The following TCERG1L variants were observed in gnomAD, a reference collection of about 807,000 sequenced individuals.
The protein encoded by TCERG1L is transcription elongation regulator 1 like.
In TCERG1L, 37 loss-of-function variants were observed where a neutral mutation model predicts 56.3. That is an observed-to-expected ratio of 0.66 (90% CI 0.51 to 0.87). TCERG1L has a LOEUF of 0.87. Among genes scored for constraint, TCERG1L ranks in the 40% least tolerant of loss-of-function variants. The pLI is 0.00. For synonymous variants in TCERG1L, 324 were observed against 326.3 expected, an observed-to-expected ratio of 0.99 and a Z score of 0.08; for missense variants, 799 against 774.2, an observed-to-expected ratio of 1.03 and a Z score of -0.38.
At chr10:131,101,500 TTGG>T (rs1259754122) in intron 10 of TCERG1L, among the ~76,000 whole-genome samples, 4 of 152,274 alleles carry the variant, frequency 2.6e-5, no homozygotes, top group African/African-American at 4.8e-5. Context: ...AGCAAACAAG[TTGG>T]TGGTGGCACA....
intron 6 of TCERG1L, among the ~76,000 whole-genome samples, chr10:131,150,048 G>A (rs146662433): frequency 5.6e-4 from 86 of 152,310 alleles, no homozygotes; most frequent in Admixed American, 1.2e-3. Flanking sequence ...TGGTCTGAGT[G>A]GCAAATCCTA....
At chr10:131,306,600 C>T (rs1470632183) in intron 3 of TCERG1L, among the ~76,000 whole-genome samples, 1 of 152,044 alleles carries the variant, frequency 6.6e-6, no homozygotes, top group Non-Finnish European at 1.5e-5. Flanking sequence ...CATTGCATGC[C>T]TGTGTCAAAA....
At chr10:131,201,674 C>T (rs1845437134) in intron 4 of TCERG1L, among the ~76,000 whole-genome samples, 1 of 152,222 alleles carries the variant, frequency 6.6e-6, no homozygotes, top group Non-Finnish European at 1.5e-5. Context: ...ATTTGCTCTG[C>T]TGCTGCTGTT....
chr10:131,307,057 T>C (rs1161195937), intron 3 of TCERG1L, among the ~76,000 whole-genome samples: 2 of 152,208 alleles, frequency 1.3e-5, no homozygotes, highest in Non-Finnish European at 2.9e-5. Flanking sequence ...CCTTTTCATA[T>C]ACCAAAAGAA....
At chr10:131,133,324 T>C (rs892990747) in intron 8 of TCERG1L, among the ~76,000 whole-genome samples, 3 of 152,216 alleles carry the variant, frequency 2.0e-5, no homozygotes, top group African/African-American at 4.8e-5. Flanking sequence ...ATACTTTTTA[T>C]TGCAAAAGTA....
intron 10 of TCERG1L, among the ~76,000 whole-genome samples, chr10:131,098,970 C>G (rs1845277457): frequency 6.6e-6 from 1 of 152,162 alleles, no homozygotes; most frequent in Admixed American, 6.5e-5. Flanking sequence ...TCTCTGATCC[C>G]CACTTGTGAA....
At chr10:131,276,113 A>G (rs959012111) in intron 3 of TCERG1L, among the ~76,000 whole-genome samples, 1 of 152,126 alleles carries the variant, frequency 6.6e-6, no homozygotes, top group African/African-American at 2.4e-5. Flanking sequence ...CTCCTGAAAG[A>G]TCTATTCAAT....
Position 131,309,146 on chromosome 10 carries a change from T to G in TCERG1L, c.489+7A>C. Reference sequence around the variant, plus strand: ...CCCTTATCCAATTAAATCACTTGCGTTTTTACCTTACAGTTAGGAATCCTT... The same window carrying G: ...CCCTTATCCAATTAAATCACTTGCGGTTTTACCTTACAGTTAGGAATCCTT... On this transcript the variant is annotated splice_region_variant and intron_variant, in intron 2 of 11. Transcript: ENST00000368642. 6.2e-7 allele frequency: 1 copy of G among 1,607,734 alleles called. No homozygotes were observed. Among genetic ancestry groups the G allele is most frequent in the Non-Finnish European group, 8.5e-7 (1 of 1,177,910 alleles).
chr10:131,184,681 T>G lies in TCERG1L; in HGVS notation c.857-17796A>C, dbSNP rs142443702. On this transcript the variant is annotated intron_variant, in intron 4 of 11. Transcript: ENST00000368642. Reference sequence around the variant, plus strand: ...CTCCTGCTACTCGCTGATTCTAAGTTGTGAACGGGAAGCCCAGGAGCTCCA... The same window carrying G: ...CTCCTGCTACTCGCTGATTCTAAGTGGTGAACGGGAAGCCCAGGAGCTCCA... 1.4e-3 allele frequency among the ~76,000 whole-genome samples: 216 copies of G among 152,294 alleles called. 3 individuals are homozygous for G. The East Asian group carries it at 0.034, about 24-fold the overall frequency.
chr10:131,303,242 A>G (rs942545152), intron 3 of TCERG1L, among the ~76,000 whole-genome samples: 3 of 152,122 alleles, frequency 2.0e-5, no homozygotes, highest in African/African-American at 7.3e-5. Flanking sequence ...CACTCCCACT[A>G]ATAGTGTAAA....
intron 4 of TCERG1L, among the ~76,000 whole-genome samples, chr10:131,186,309 T>C (rs1312158576): frequency 6.6e-6 from 1 of 152,194 alleles, no homozygotes; most frequent in Admixed American, 6.5e-5. Flanking sequence ...ACATGGTAAT[T>C]GCGCTCAATG....
At chr10:131,097,446 T>C (rs1292752564) in intron 11 of TCERG1L, among the ~76,000 whole-genome samples, 2 of 152,110 alleles carry the variant, frequency 1.3e-5, no homozygotes. Context: ...CTCCCAGGTT[T>C]ACGCCATTCT....
intron 4 of TCERG1L, among the ~76,000 whole-genome samples, chr10:131,175,829 T>C (rs1846142135): frequency 6.6e-6 from 1 of 152,024 alleles, no homozygotes; most frequent in South Asian, 2.1e-4. Flanking sequence ...AGGTGGAGGT[T>C]GGGACAGAGA....
intron 5 of TCERG1L, among the ~76,000 whole-genome samples, chr10:131,165,291 G>A (rs1055623439): frequency 5.3e-5 from 8 of 152,184 alleles, no homozygotes; most frequent in Admixed American, 1.3e-4. Context: ...AGTCTCCAGC[G>A]TGAGGGTGAA....
intron 9 of TCERG1L, among the ~76,000 whole-genome samples, chr10:131,109,509 C>T (rs11017726): frequency 0.2 from 29,722 of 152,112 alleles, 3,426 homozygotes; most frequent in East Asian, 0.37. Context: ...TGTCTGTGAA[C>T]GCTGGAGCCG....
chr10:131,247,508 AC>A (rs1186533367), intron 4 of TCERG1L, among the ~76,000 whole-genome samples: 2 of 146,038 alleles, frequency 1.4e-5, no homozygotes, highest in African/African-American at 4.9e-5. Flanking sequence ...GGCAAGACCC[AC>A]CCCTGGTCGA....
chr10:131,098,175 T>A, intron 11 of TCERG1L, 131 bp downstream of exon 11: 1 of 998,410 alleles, frequency 1.0e-6, no homozygotes, highest in South Asian at 1.5e-5. Flanking sequence ...CTGGCAGGTC[T>A]TCAAAGCTCA....
Position 131,104,314 on chromosome 10 carries a change from A to G in TCERG1L, c.1436T>C (p.Ile479Thr). 1.3e-6 allele frequency: 2 copies of G among 1,550,714 alleles called. No individual in the cohort carries two copies. Among genetic ancestry groups the G allele is most frequent in the African/African-American group, 1.4e-5 (1 of 73,142 alleles). Residue 479 changes from isoleucine to threonine, a missense_variant, in exon 10 of 12, where the codon ATC (isoleucine) becomes ACC (threonine). Ile to Thr is a moderately conservative substitution (Grantham distance 89). Coordinates refer to ENST00000368642, the MANE Select transcript of TCERG1L (RefSeq NM_174937.4). The stretch of plus-strand genomic sequence containing the variant: ...CAGGAGATAGCGTGGGTCAAACACG[A>G]TTTTGTGTAATTCTTTCTCCCAGGT... ...FSTWEKELHKIVFDPRYLLLN... is the reference protein window; with the variant it reads ...FSTWEKELHKTVFDPRYLLLN...
At position 131,103,285 on chromosome 10, in the gene TCERG1L, T is replaced by G. The variant is rs1159933594; in HGVS notation, c.1485+980A>C. Reference sequence around the variant, plus strand: ...AATAAATGAGAGGATTAAATCATTGTTTTGACATAATTATCTTTGGCTACA... The same window carrying G: ...AATAAATGAGAGGATTAAATCATTGGTTTGACATAATTATCTTTGGCTACA... On this transcript the variant is annotated intron_variant, in intron 10 of 11. Transcript: ENST00000368642. The surrounding 1 kb of genome is among the most constrained non-coding windows in gnomAD (Gnocchi z 4.3). Among the ~76,000 whole-genome samples, 1 of 152,162 alleles carries G rather than the reference T, an allele frequency of 6.6e-6. No individual in the cohort carries two copies. Among genetic ancestry groups the G allele is most frequent in the African/African-American group, 2.4e-5 (1 of 41,438 alleles).
Sources: allele counts gnomAD v4.1 joint callset (sites outside exome capture counted in the v4.1 genomes callset), GRCh38; gene constraint gnomAD v4.1.1; non-coding constraint Gnocchi (gnomAD v3.1); transcripts MANE v1.5; gene names NCBI Gene and HGNC (gene_info 2026-07-23, HGNC 2026-07-21).